The following ABCB1 variants were observed in gnomAD, a reference collection of about 807,000 sequenced individuals.
ABCB1 encodes ATP-dependent translocase ABCB1.
A neutral mutation model predicts 142.0 loss-of-function variants in ABCB1; 69 were observed. The ratio of observed to expected loss-of-function variants is 0.49; its 90% CI spans 0.40 to 0.59. ABCB1 has a LOEUF of 0.59. ABCB1 is among the 20% of genes least tolerant of loss of function. The probability of loss-of-function intolerance (pLI) is 0.00; values close to 1 mark genes in which losing one functional copy is unlikely to be tolerated. For missense variants in ABCB1, 1,326 were observed against 1,554.7 expected (o/e 0.85, Z 2.47); for synonymous variants, 532 against 539.2 (o/e 0.99, Z 0.18).
intron 22 of ABCB1, 46 bp downstream of exon 22, chr7:87,520,730 T>C (rs769161710): frequency 6.5e-6 from 10 of 1,527,542 alleles, no homozygotes; most frequent in Middle Eastern, 3.4e-4. Flanking sequence ...AATATGATGA[T>C]TGAAAAATTA....
chr7:87,530,874 A>AAAGAAAGAAAAG (rs1425997799), intron 21 of ABCB1, among the ~76,000 whole-genome samples: 1 of 102,370 alleles, frequency 9.8e-6, no homozygotes, highest in Non-Finnish European at 2.4e-5. Context: ...AGAAAGAAAG[A>AAAGAAAGAAAAG]AAAGAAAGAA....
intron 25 of ABCB1, among the ~76,000 whole-genome samples, chr7:87,513,924 T>C (rs944934297): frequency 6.6e-6 from 1 of 152,190 alleles, no homozygotes; most frequent in African/African-American, 2.4e-5. Flanking sequence ...GCTTTGGCTG[T>C]CAGCGACGTC....
intron 21 of ABCB1, chr7:87,521,468 A>G: frequency 1.4e-6 from 1 of 727,100 alleles, no homozygotes; most frequent in Admixed American, 1.9e-5. Flanking sequence ...GTCATGTCTA[A>G]GTCAGAGTCT....
chr7:87,601,780 A>G (rs1341342908), upstream of ABCB1, among the ~76,000 whole-genome samples: 1 of 152,224 alleles, frequency 6.6e-6, no homozygotes. Context: ...TCTACATTCT[A>G]TGACTTTCAC....
At chr7:87,633,284 A>G (rs974083567) in intron 1 of ABCB1, among the ~76,000 whole-genome samples, 6 of 152,206 alleles carry the variant, frequency 3.9e-5, no homozygotes, top group South Asian at 2.1e-4. Flanking sequence ...ACAACACATA[A>G]TATTTACAAT....
chr7:87,638,030 C>T (rs1330338667), intron 1 of ABCB1, among the ~76,000 whole-genome samples: 2 of 151,980 alleles, frequency 1.3e-5, no homozygotes, highest in East Asian at 3.8e-4. Context: ...GAATTTGTAT[C>T]ATAAATGGAT....
intron 4 of ABCB1, among the ~76,000 whole-genome samples, chr7:87,581,162 G>A (rs1283740256): frequency 2.0e-5 from 3 of 151,766 alleles, no homozygotes; most frequent in African/African-American, 4.8e-5. Flanking sequence ...TCACTATCTT[G>A]CCCAGGCTAG....
intron 1 of ABCB1, among the ~76,000 whole-genome samples, chr7:87,691,520 A>T (rs1828011503): frequency 6.6e-6 from 1 of 152,114 alleles, no homozygotes; most frequent in Admixed American, 6.6e-5. Context: ...CTTTCTTTTA[A>T]CATTATATAT....
intron 25 of ABCB1, among the ~76,000 whole-genome samples, chr7:87,513,103 G>T (rs1341089071): frequency 6.6e-6 from 1 of 152,194 alleles, no homozygotes. Context: ...TGGCAGACAA[G>T]AATTTCTGCA....
rs150183940 is a variant in ABCB1 at position 87,670,273 on chromosome 7, T to A, written c.-331+42888A>T. Reference sequence around the variant, plus strand: ...GCTTGGTTTCTTCTGCTGTCAATACTTGTAATTGCATTGTGAAATTATTGT... The same window carrying A: ...GCTTGGTTTCTTCTGCTGTCAATACATGTAATTGCATTGTGAAATTATTGT... On this transcript the variant is annotated intron_variant, in intron 1 of 28. Coordinates refer to the ABCB1 transcript ENST00000265724. Among the ~76,000 whole-genome samples, 544 of 152,368 alleles carry A rather than the reference T, an allele frequency of 3.6e-3. 6 individuals are homozygous for A. Among genetic ancestry groups the A allele is most frequent in the African/African-American group, 0.012 (519 of 41,590 alleles).
intron 1 of ABCB1, among the ~76,000 whole-genome samples, chr7:87,606,487 C>A (rs73705275): frequency 0.012 from 1,834 of 152,048 alleles, 36 homozygotes; most frequent in African/African-American, 0.042. Flanking sequence ...TATTTTATAA[C>A]AGTGAAAAAT....
chr7:87,529,743 T>C (rs574568422), intron 21 of ABCB1, among the ~76,000 whole-genome samples: 1 of 152,370 alleles, frequency 6.6e-6, no homozygotes, highest in Non-Finnish European at 1.5e-5. Flanking sequence ...TTTTTTTATA[T>C]TTTGTCCTAG....
chr7:87,519,023 G>T, intron 23 of ABCB1: 1 of 444,928 alleles, frequency 2.2e-6, no homozygotes, highest in South Asian at 2.5e-5. Context: ...CTTGCTCAGG[G>T]CTAGGCTTCT....
At chr7:87,672,402 C>T in intron 1 of ABCB1, among the ~76,000 whole-genome samples, 1 of 152,180 alleles carries the variant, frequency 6.6e-6, no homozygotes, top group Admixed American at 6.5e-5. Flanking sequence ...CCTGGACGCT[C>T]CTCCCTAGGG....
intron 5 of ABCB1, among the ~76,000 whole-genome samples, chr7:87,567,768 T>C (rs1167950531): frequency 6.6e-6 from 1 of 152,168 alleles, no homozygotes; most frequent in Non-Finnish European, 1.5e-5. Context: ...AAATCCTGAA[T>C]TAATGTTTCC....
rs530382686 is a variant in ABCB1 at position 87,698,390 on chromosome 7, G to A, written c.-331+14771C>T. Among the ~76,000 whole-genome samples the A allele has an allele frequency of 2.0e-5, 3 of 152,218 alleles. No individual in the cohort carries two copies. In the South Asian group the frequency reaches 6.2e-4, roughly 32 times the overall value. ...ATTACAGGCGTGAGCCACCGCACCG[G>A]CTGCAAAATTTTATTTTTAAAGAGA... On this transcript the variant is annotated intron_variant, in intron 1 of 28. Coordinates refer to the ABCB1 transcript ENST00000265724.
intron 1 of ABCB1, among the ~76,000 whole-genome samples, chr7:87,670,969 C>T (rs754618027): frequency 4.0e-5 from 6 of 151,770 alleles, no homozygotes; most frequent in African/African-American, 7.3e-5. Flanking sequence ...TTGGGGCGAT[C>T]TCAGTGTTTA....
intron 5 of ABCB1, 34 bp from the exon 6 acceptor site, chr7:87,567,010 T>C: frequency 6.3e-7 from 1 of 1,594,760 alleles, no homozygotes; most frequent in Non-Finnish European, 8.6e-7. Flanking sequence ...ACATGCTCTC[T>C]GTTTCCTAAT....
At chr7:87,587,748 G>A (rs960501088) in intron 3 of ABCB1, among the ~76,000 whole-genome samples, 11 of 151,814 alleles carry the variant, frequency 7.2e-5, no homozygotes, top group Admixed American at 2.0e-4. Context: ...GGTGGCAGGC[G>A]CCTGTAATCC....
Sources: gnomAD v4.1 joint callset for allele counts (sites outside exome capture counted in the v4.1 genomes callset) on GRCh38, gnomAD v4.1.1 for gene constraint, MANE v1.5 for transcripts, NCBI Gene and HGNC (gene_info 2026-07-23, HGNC 2026-07-21) for gene names.